The following BDH1 variants were observed in gnomAD, a reference collection of about 807,000 sequenced individuals.
The protein encoded by BDH1 is 3-hydroxybutyrate dehydrogenase 1.
BDH1 carries 30 observed loss-of-function variants against 33.1 expected under a neutral mutation model. The ratio of observed to expected loss-of-function variants is 0.91; its 90% confidence interval spans 0.68 to 1.23. BDH1 has a LOEUF of 1.23. Among genes scored for constraint, BDH1 ranks in the 50% most tolerant of loss-of-function variants. The pLI is 0.00. For synonymous variants in BDH1, 190 were observed against 183.6 expected (o/e 1.03, Z -0.28); for missense variants, 443 against 464.4 (o/e 0.95, Z 0.42).
intron 3 of BDH1, among the ~76,000 whole-genome samples, chr3:197,545,577 A>G (rs142947355): frequency 2.0e-5 from 3 of 152,292 alleles, no homozygotes; most frequent in Non-Finnish European, 4.4e-5. Flanking sequence ...AAAACACATG[A>G]CACCTCCGAG....
In BDH1 at chr3:197,521,059, C is replaced by A. The variant is rs1713493280; in HGVS notation, c.409+1581G>T. ...ATCCATCTGGCTGATACAGGCTCAG[C>A]AGAGCTCCCCGCATGGGATCTGGTC... On this transcript the variant is annotated intron_variant, in intron 6 of 7. Transcript: ENST00000392379. This position sits in a 1 kb window ranked among gnomAD's most constrained non-coding sequence, Gnocchi z 4.9. Among the ~76,000 whole-genome samples, 1 of 152,140 alleles carries A rather than the reference C, an allele frequency of 6.6e-6. No individual in the cohort carries two copies. The highest frequency in any genetic ancestry group is 6.5e-5 in the Admixed American group (1 of 15,282).
intron 4 of BDH1, among the ~76,000 whole-genome samples, chr3:197,533,233 C>G (rs13062112): frequency 0.044 from 6,637 of 152,114 alleles, 200 homozygotes; most frequent in Non-Finnish European, 0.058. Context: ...AGTTCTCGCC[C>G]CCCACCTAGG....
At chr3:197,566,255 A>G (rs1271139520) in intron 1 of BDH1, among the ~76,000 whole-genome samples, 1 of 152,238 alleles carries the variant, frequency 6.6e-6, no homozygotes, top group Non-Finnish European at 1.5e-5. Context: ...TTTTGACTGG[A>G]ATGGTGTGCT....
At chr3:197,555,220 C>T (rs1560342404) in intron 1 of BDH1, 1 of 154,498 alleles carries the variant, frequency 6.5e-6, no homozygotes, top group South Asian at 2.0e-4. Context: ...CTCCCCAAAC[C>T]CCGGGAACAG....
At chr3:197,515,397 T>C (rs1712590381) in intron 6 of BDH1, 2 of 985,622 alleles carry the variant, frequency 2.0e-6, no homozygotes, top group African/African-American at 1.7e-5. Flanking sequence ...ATCAGCGTCA[T>C]CCACGACCCC....
intron 3 of BDH1, among the ~76,000 whole-genome samples, chr3:197,545,281 T>G (rs1259762688): frequency 1.3e-5 from 2 of 152,224 alleles, no homozygotes; most frequent in Admixed American, 6.5e-5. Context: ...GAAGAACAGC[T>G]GCTTGTCTAA....
Position 197,510,714 on chromosome 3 carries a change from T to TAC in BDH1, c.*1180_*1181insGT, listed in dbSNP as rs1560297109. ...GTGTGTGTGTGTGTGTGTGTGTGTG[T>TAC]GTGTACATGTGTGTAAGCACCACGT... On this transcript the variant is annotated 3_prime_UTR_variant, in exon 8 of 8. Transcript: ENST00000392379. 8.9e-5 allele frequency: 11 copies of TAC among 124,192 alleles called. No individual in the cohort carries two copies. The highest frequency in any genetic ancestry group is 3.4e-4 in the African/African-American group (10 of 29,088). 7.7% of individuals were successfully genotyped at this position (124,192 alleles called of 1,614,324 possible).
chr3:197,527,261 T>C (rs966875256), intron 5 of BDH1, among the ~76,000 whole-genome samples: 4 of 152,136 alleles, frequency 2.6e-5, no homozygotes, highest in Non-Finnish European at 5.9e-5. Context: ...CCTGAGAGCA[T>C]AGAGTCAAGA....
In BDH1 at chr3:197,511,999, T is replaced by G; in HGVS notation, c.928A>C (p.Thr310Pro). 1 of 1,612,542 alleles carries G rather than the reference T, an allele frequency of 6.2e-7. No homozygotes were observed. Reference sequence around the variant, plus strand: ...ATGGGGTGGTAGCGGGTGTAGGGGGTGGTGGCGGTCAGGGCGTGTGTGACA... The same window carrying G: ...ATGGGGTGGTAGCGGGTGTAGGGGGGGGTGGCGGTCAGGGCGTGTGTGACA... ...DAVTHALTAT[T>P]PYTRYHPMDY... Residue 310 changes from threonine to proline, a missense_variant, in exon 8 of 8, where the codon ACC becomes CCC. By Grantham distance (38) the Thr-to-Pro change is conservative. Coordinates refer to ENST00000392379, the MANE Select transcript of BDH1 (RefSeq NM_203314.3).
rs147014149 is a variant in BDH1, at chr3:197,537,633, A to G, written c.84-4072T>C. On this transcript the variant is annotated intron_variant, in intron 3 of 7. Coordinates refer to ENST00000392379, the MANE Select transcript of BDH1 (RefSeq NM_203314.3). The stretch of plus-strand genomic sequence containing the variant: ...AAAGCATTCAGTCTCACCCTTAAGT[A>G]TGTTAGCTGAAGGCTTATGGTGTTT... 5.4e-4 allele frequency among the ~76,000 whole-genome samples: 83 copies of G among 152,344 alleles called. No individual in the cohort carries two copies. In the East Asian group the frequency reaches 0.015, roughly 28 times the overall value.
intron 3 of BDH1, chr3:197,538,341 G>C (rs1715323361): frequency 2.2e-6 from 1 of 455,682 alleles, no homozygotes; most frequent in East Asian, 6.9e-5. Context: ...TTCAAATTTT[G>C]TTTTTTGTTT....
At position 197,547,929 on chromosome 3, in the gene BDH1, T is replaced by C. The variant is rs542258693; in HGVS notation, c.-43-1443A>G. 2.0e-5 allele frequency among the ~76,000 whole-genome samples: 3 copies of C among 152,386 alleles called. No homozygotes were observed. The South Asian group carries it at 6.2e-4, about 32-fold the overall frequency. On this transcript the variant is annotated intron_variant, in intron 2 of 7. Coordinates refer to ENST00000392379, the MANE Select transcript of BDH1 (RefSeq NM_203314.3). ...CATTCAACACACAGGTTGCTCTCTG[T>C]AAGATCACTCTCATAGCAGCTACCT...
Position 197,521,667 on chromosome 3 carries a change from G to A in BDH1, c.409+973C>T, listed in dbSNP as rs1437888554. On this transcript the variant is annotated intron_variant, in intron 6 of 7. Coordinates refer to ENST00000392379, the MANE Select transcript of BDH1 (RefSeq NM_203314.3). The surrounding 1 kb of genome is among the most constrained non-coding windows in gnomAD (Gnocchi z 4.9). ...TCTCCCCACCTGCTCCTGCAGTGCG[G>A]GGCACCAGGTGTCCAGGACAGAGAC... Among the ~76,000 whole-genome samples the A allele has an allele frequency of 6.6e-6, 1 of 152,026 alleles. No individual in the cohort carries two copies. The highest frequency in any genetic ancestry group is 1.9e-4 in the East Asian group (1 of 5,186).
At chr3:197,560,779 C>T (rs1419372370), upstream of BDH1, among the ~76,000 whole-genome samples, 1 of 152,178 alleles carries the variant, frequency 6.6e-6, no homozygotes, top group African/African-American at 2.4e-5. Flanking sequence ...TTAGGGCAAC[C>T]CAGCCTCCCA....
At chr3:197,548,038 C>T (rs535794436) in intron 2 of BDH1, among the ~76,000 whole-genome samples, 22 of 152,228 alleles carry the variant, frequency 1.4e-4, no homozygotes, top group Admixed American at 2.0e-4. Context: ...CCTGGTTCAC[C>T]ACCAAATCCT....
intron 7 of BDH1, among the ~76,000 whole-genome samples, chr3:197,513,795 A>T (rs1281392462): frequency 6.6e-6 from 1 of 152,220 alleles, no homozygotes; most frequent in Non-Finnish European, 1.5e-5. Flanking sequence ...GGCCACCCAC[A>T]TGGTTTGGGT....
chr3:197,541,705 A>T (rs1715639301), intron 3 of BDH1, among the ~76,000 whole-genome samples: 1 of 151,670 alleles, frequency 6.6e-6, no homozygotes, highest in Non-Finnish European at 1.5e-5. Context: ...GCCTAGCCTC[A>T]CTCCTGACCC....
chr3:197,563,508 T>C (rs1717333285), intron 1 of BDH1, among the ~76,000 whole-genome samples: 2 of 152,322 alleles, frequency 1.3e-5, no homozygotes, highest in South Asian at 2.1e-4. Context: ...GCAATGATGG[T>C]TCCATAACTT....
At chr3:197,570,270 AG>A (rs1029609107) in intron 1 of BDH1, among the ~76,000 whole-genome samples, 37 of 152,260 alleles carry the variant, frequency 2.4e-4, no homozygotes, top group African/African-American at 8.9e-4. Context: ...CAGTTTTAAA[AG>A]GGAAACAGAA....
Sources: gnomAD v4.1 joint callset for allele counts (sites outside exome capture counted in the v4.1 genomes callset) on GRCh38, gnomAD v4.1.1 for gene constraint, Gnocchi (gnomAD v3.1) non-coding constraint, MANE v1.5 for transcripts, NCBI Gene and HGNC (gene_info 2026-07-23, HGNC 2026-07-21) for gene names.